The following GRAMD1B variants were observed in gnomAD, a reference collection of about 807,000 sequenced individuals.
GRAMD1B encodes the protein protein Aster-B.
In GRAMD1B, 37 loss-of-function variants were observed where a neutral mutation model predicts 99.7. The observed-to-expected ratio is 0.37, with a 90% CI of 0.29 to 0.49. The LOEUF is 0.49. Ranked by LOEUF, GRAMD1B falls within the 20% of genes least tolerant of loss-of-function variation. GRAMD1B has a pLI of 0.98. For synonymous variants in GRAMD1B, 427 were observed against 387.6 expected, an observed-to-expected ratio of 1.10 and a Z score of -1.19; for missense variants, 888 against 1,009.2, an observed-to-expected ratio of 0.88 and a Z score of 1.63.
intron 1 of GRAMD1B, among the ~76,000 whole-genome samples, chr11:123,442,541 G>C (rs1949455772): frequency 6.6e-6 from 1 of 152,182 alleles, no homozygotes; most frequent in African/African-American, 2.4e-5. Flanking sequence ...AGGCCAAGGT[G>C]GGAGGATCAC....
At chr11:123,459,188 G>T (rs1950297806) in intron 1 of GRAMD1B, 2 of 151,280 alleles carry the variant, frequency 1.3e-5, no homozygotes, top group African/African-American at 4.8e-5. Context: ...TGATTGCAAA[G>T]AAATAAGACA....
chr11:123,573,332 A>G (rs1948367970), intron 2 of GRAMD1B, among the ~76,000 whole-genome samples: 1 of 152,232 alleles, frequency 6.6e-6, no homozygotes, highest in African/African-American at 2.4e-5. Flanking sequence ...TTTAATCATC[A>G]AAAAGGATGA....
At chr11:123,463,573 C>T (rs1950535498) in intron 1 of GRAMD1B, among the ~76,000 whole-genome samples, 2 of 152,242 alleles carry the variant, frequency 1.3e-5, no homozygotes, top group Admixed American at 6.5e-5. Flanking sequence ...ACGGGCAGAG[C>T]TACCGTCTCA....
At chr11:123,618,576 C>A in intron 17 of GRAMD1B, 117 bp from the exon 18 acceptor site, 2 of 810,406 alleles carry the variant, frequency 2.5e-6, no homozygotes, top group East Asian at 2.5e-5. Context: ...CTCAGTCACT[C>A]ACTGCAATGC....
At chr11:123,526,121 C>A (rs560423892) in intron 2 of GRAMD1B, 1 of 1,609,348 alleles carries the variant, frequency 6.2e-7, no homozygotes, top group Admixed American at 1.7e-5. Context: ...GCTAAGGACA[C>A]GGTCAGTGGA....
intron 1 of GRAMD1B, among the ~76,000 whole-genome samples, chr11:123,397,394 G>C (rs1457621290): frequency 6.8e-6 from 1 of 146,964 alleles, no homozygotes; most frequent in African/African-American, 2.7e-5. Context: ...GTGACAGAGC[G>C]AGACTCTGTC....
intron 2 of GRAMD1B, among the ~76,000 whole-genome samples, chr11:123,558,597 C>T (rs1946395200): frequency 6.6e-6 from 1 of 152,182 alleles, no homozygotes; most frequent in African/African-American, 2.4e-5. Flanking sequence ...AGCAATGCAA[C>T]TCAGTTTTGG....
intron 2 of GRAMD1B, chr11:123,560,566 G>GCCCCCCCCCC: frequency 3.2e-6 from 2 of 632,570 alleles, no homozygotes; most frequent in Non-Finnish European, 2.3e-6. Flanking sequence ...CCCGCTCCCC[G>GCCCCCCCCCC]CCCCCGCCCC....
chr11:123,550,348 C>T (rs951805216), intron 2 of GRAMD1B, among the ~76,000 whole-genome samples: 10 of 152,114 alleles, frequency 6.6e-5, no homozygotes, highest in African/African-American at 2.4e-4. Flanking sequence ...TCTCATGACT[C>T]ATCATGATCT....
chr11:123,562,203 A>G (rs983827331), intron 2 of GRAMD1B, among the ~76,000 whole-genome samples: 1 of 152,108 alleles, frequency 6.6e-6, no homozygotes, highest in Non-Finnish European at 1.5e-5. Flanking sequence ...TAATTTTTTT[A>G]AAAGCCTAAG....
intron 2 of GRAMD1B, among the ~76,000 whole-genome samples, chr11:123,513,605 C>CTTTCTTTCTTTCTTT (rs1555050188): frequency 5.5e-3 from 175 of 31,606 alleles, no homozygotes; most frequent in Middle Eastern, 0.021. Flanking sequence ...TTCCTTCCTT[C>CTTTCTTTCTTTCTTT]CTTCCTTCCT....
At chr11:123,563,380 T>C (rs1946997341) in intron 2 of GRAMD1B, among the ~76,000 whole-genome samples, 1 of 152,184 alleles carries the variant, frequency 6.6e-6, no homozygotes, top group African/African-American at 2.4e-5. Flanking sequence ...GGAAGTAGAA[T>C]TGTTTCACTC....
chr11:123,614,940 C>T, intron 17 of GRAMD1B, 105 bp downstream of exon 17: 2 of 639,464 alleles, frequency 3.1e-6, no homozygotes, highest in Non-Finnish European at 5.5e-6. Flanking sequence ...TACTGTTTGC[C>T]CTGGTTTTTG....
At position 123,508,533 on chromosome 11, in the gene GRAMD1B, C is replaced by T. The variant is rs1054321623; in HGVS notation, c.452+27640C>T. The stretch of plus-strand genomic sequence containing the variant: ...ATGAGAGTTGTCACAATTATTGTTC[C>T]TGTAGTTAAGCCAGACCCGTGAGCA... On this transcript the variant is annotated intron_variant, in intron 2 of 19. Transcript: ENST00000635736. Among the ~76,000 whole-genome samples, 6 of 152,172 alleles carry T rather than the reference C, an allele frequency of 3.9e-5. No individual in the cohort carries two copies. In the East Asian group the frequency reaches 1.2e-3, roughly 29 times the overall value.
At chr11:123,487,261 G>T (rs1223781840) in intron 2 of GRAMD1B, among the ~76,000 whole-genome samples, 1 of 152,170 alleles carries the variant, frequency 6.6e-6, no homozygotes, top group Non-Finnish European at 1.5e-5. Context: ...AGCTACTCTG[G>T]GGTGAGGGCA....
At chr11:123,471,739 G>A (rs1951024115) in intron 1 of GRAMD1B, among the ~76,000 whole-genome samples, 1 of 152,102 alleles carries the variant, frequency 6.6e-6, no homozygotes, top group African/African-American at 2.4e-5. Flanking sequence ...GAAGAAGTAG[G>A]GGCATTGAGT....
At chr11:123,522,351 C>T (rs1283216581) in intron 2 of GRAMD1B, among the ~76,000 whole-genome samples, 2 of 152,086 alleles carry the variant, frequency 1.3e-5, no homozygotes, top group African/African-American at 4.8e-5. Flanking sequence ...GATGGTCTTG[C>T]TCTGTTGCCC....
intron 2 of GRAMD1B, among the ~76,000 whole-genome samples, chr11:123,498,628 C>G (rs1206137497): frequency 6.6e-6 from 1 of 152,244 alleles, no homozygotes; most frequent in East Asian, 1.9e-4. Flanking sequence ...TTGCTGTGTC[C>G]TATCTAATAT....
Position 123,627,075 on chromosome 11 carries a change from G to A in GRAMD1B, c.*4480G>A, listed in dbSNP as rs1282230283. 1 of 152,278 alleles carries A rather than the reference G, an allele frequency of 6.6e-6. No homozygotes were observed. The highest frequency in any genetic ancestry group is 1.5e-5 in the Non-Finnish European group (1 of 68,096). 9.4% of individuals were successfully genotyped at this position (152,278 alleles called of 1,614,324 possible). On this transcript the variant is annotated 3_prime_UTR_variant, in exon 20 of 20. Coordinates refer to ENST00000635736, the MANE Select transcript of GRAMD1B (RefSeq NM_001387025.1). ...AACAGGCCCTGGAGCCAGGACTGGA[G>A]TCTTGGCAGCTGATGAGCAGCACCT...
Sources: allele counts gnomAD v4.1 joint callset (sites outside exome capture counted in the v4.1 genomes callset), GRCh38; gene constraint gnomAD v4.1.1; transcripts MANE v1.5; gene names NCBI Gene and HGNC (gene_info 2026-07-23, HGNC 2026-07-21).